The following SEL1L3 variants were observed in gnomAD, a reference collection of about 807,000 sequenced individuals.
The protein encoded by SEL1L3 is protein sel-1 homolog 3.
In SEL1L3, 76 loss-of-function variants were observed where a neutral mutation model predicts 142.8. The ratio of observed to expected loss-of-function variants is 0.53; its 90% CI spans 0.44 to 0.64. SEL1L3 has a LOEUF of 0.64. SEL1L3 is among the 30% of genes least tolerant of loss of function. The pLI is 0.00. For synonymous variants in SEL1L3, 504 were observed against 519.6 expected, an observed-to-expected ratio of 0.97 and a Z score of 0.41; for missense variants, 1,262 against 1,381.7, an observed-to-expected ratio of 0.91 and a Z score of 1.37.
chr4:25,811,999 G>T (rs987511908), intron 9 of SEL1L3, among the ~76,000 whole-genome samples: 1 of 152,144 alleles, frequency 6.6e-6, no homozygotes. Flanking sequence ...TACACCATTC[G>T]ATCCTACATG....
intron 2 of SEL1L3, among the ~76,000 whole-genome samples, chr4:25,841,444 C>CT (rs1251260424): frequency 6.6e-6 from 1 of 152,194 alleles, no homozygotes; most frequent in East Asian, 1.9e-4. Context: ...TGCTCAGGAA[C>CT]TTTTTTTCAG....
chr4:25,835,318 C>T lies in SEL1L3; in HGVS notation c.739G>A (p.Val247Ile). 1 of 1,613,906 alleles carries T rather than the reference C, an allele frequency of 6.2e-7. No individual in the cohort carries two copies. The highest frequency in any genetic ancestry group is 1.3e-5 in the African/African-American group (1 of 75,050). ...GCATAAGGAAAGCCAAGCAGGGCAA[C>T]CACATCTGCAAACAGCAAAATGGCT... ...IPQCPLENDV[V>I]ALLGFPYASS... The change falls in exon 3 of 24, where the codon GTT (valine) becomes ATT (isoleucine). Residue 247 changes from valine (V) to isoleucine (I), a missense_variant. By Grantham distance (29) the Val-to-Ile change is conservative (BLOSUM62 3). Coordinates refer to ENST00000399878, the MANE Select transcript of SEL1L3 (RefSeq NM_015187.5).
At chr4:25,851,490 G>T (rs1435666994) in intron 1 of SEL1L3, among the ~76,000 whole-genome samples, 1 of 152,060 alleles carries the variant, frequency 6.6e-6, no homozygotes, top group African/African-American at 2.4e-5. Flanking sequence ...GAGGTGACCA[G>T]GAGACAGAAT....
In SEL1L3 at chr4:25,819,907, C is replaced by T. The variant is rs777913531; in HGVS notation, c.1324G>A (p.Glu442Lys). Reference protein sequence around the residue: ...FNPLLEKQLAEQIKLYYERCA... With the variant: ...FNPLLEKQLAKQIKLYYERCA... ...CTTTCATAATATAACTTGATTTGTT[C>T]AGCAAGTTGCTTCTCAAGGAGGGGA... The change falls in exon 8 of 24, where the codon GAA (glutamate) becomes AAA (lysine). Residue 442 changes from glutamate to lysine, a missense_variant. Coordinates refer to ENST00000399878, the MANE Select transcript of SEL1L3 (RefSeq NM_015187.5). 15 of 1,611,926 alleles carry T rather than the reference C, an allele frequency of 9.3e-6. No homozygotes were observed. The highest frequency in any genetic ancestry group is 1.3e-5 in the Non-Finnish European group (15 of 1,179,002).
Position 25,809,684 on chromosome 4 carries a change from T to C in SEL1L3, c.1565-4932A>G, listed in dbSNP as rs531559375. Among the ~76,000 whole-genome samples, 3 of 152,288 alleles carry C rather than the reference T, an allele frequency of 2.0e-5. No homozygotes were observed. In the South Asian group the frequency reaches 6.2e-4, roughly 32 times the overall value. ...TCTCTCTCTCCTTTCGGAGCTGTTA[T>C]TCTCTGAGCAAGAAAAGCATAGCCC... On this transcript the variant is annotated intron_variant, in intron 9 of 23. Transcript: ENST00000399878.
the SEL1L3 span, among the ~76,000 whole-genome samples, chr4:25,723,711 C>T: frequency 6.6e-6 from 1 of 152,132 alleles, no homozygotes; most frequent in Non-Finnish European, 1.5e-5. Context: ...TTATGGCATG[C>T]CCCTCATCAC....
the SEL1L3 span, among the ~76,000 whole-genome samples, chr4:25,714,763 G>T: frequency 1.3e-5 from 2 of 151,376 alleles, no homozygotes; most frequent in South Asian, 4.2e-4. Flanking sequence ...GTCGAGATGG[G>T]GTTTCTCCAT....
At chr4:25,733,045 G>T in the SEL1L3 span, among the ~76,000 whole-genome samples, 817 of 149,902 alleles carry the variant, frequency 5.5e-3, 6 homozygotes, top group South Asian at 0.025. Flanking sequence ...TGCGCCTGGC[G>T]AGTCCTCTAA....
chr4:25,851,855 T>C (rs1020517132), intron 1 of SEL1L3, among the ~76,000 whole-genome samples: 1 of 147,386 alleles, frequency 6.8e-6, no homozygotes, highest in Non-Finnish European at 1.5e-5. Context: ...TGCCACTGCA[T>C]TCCAGCCTGG....
At chr4:25,783,706 G>C (rs1711580451) in intron 14 of SEL1L3, among the ~76,000 whole-genome samples, 1 of 152,164 alleles carries the variant, frequency 6.6e-6, no homozygotes, top group Non-Finnish European at 1.5e-5. Context: ...AGCTGTATAG[G>C]AACTAGCTGA....
At chr4:25,717,207 A>T in the SEL1L3 span, among the ~76,000 whole-genome samples, 7 of 151,970 alleles carry the variant, frequency 4.6e-5, no homozygotes, top group African/African-American at 1.7e-4. Context: ...AATTAAAAAT[A>T]AAAAAAACCC....
chr4:25,834,511 C>T (rs1473386972), intron 3 of SEL1L3, among the ~76,000 whole-genome samples: 2 of 152,208 alleles, frequency 1.3e-5, no homozygotes, highest in African/African-American at 4.8e-5. Context: ...CAAGTCCTTT[C>T]TGGTCTTTAT....
chr4:25,757,456 C>CAAAAAAAA (rs1560277078), intron 23 of SEL1L3, 78 bp downstream of exon 23: 2 of 457,788 alleles, frequency 4.4e-6, no homozygotes, highest in East Asian at 6.9e-5. Context: ...TTCCAGTAGA[C>CAAAAAAAA]CAAAAAAAAA....
At chr4:25,722,623 G>GATTTTTTTTTTTTTT in the SEL1L3 span, among the ~76,000 whole-genome samples, 2 of 125,124 alleles carry the variant, frequency 1.6e-5, no homozygotes, top group Non-Finnish European at 1.5e-5. Context: ...TCCAAAGGAG[G>GATTTTTTTTTTTTTT]CTTTTTTTTT....
In SEL1L3 at chr4:25,818,289, G is replaced by A. The variant is rs1266990953; in HGVS notation, c.1424-11C>T. ...AGTTGTGGAGGTGGCCTACACAGAA[G>A]AGGGAGCAGAAGATATCACACCCTT... On this transcript the variant is annotated splice_polypyrimidine_tract_variant and intron_variant, in intron 8 of 23. Coordinates refer to ENST00000399878, the MANE Select transcript of SEL1L3 (RefSeq NM_015187.5). 3.1e-6 allele frequency: 5 copies of A among 1,592,610 alleles called. No homozygotes were observed. The highest frequency in any genetic ancestry group is 4.3e-6 in the Non-Finnish European group (5 of 1,169,472).
chr4:25,807,698 A>T (rs536524070), intron 9 of SEL1L3, among the ~76,000 whole-genome samples: 1 of 152,220 alleles, frequency 6.6e-6, no homozygotes, highest in South Asian at 2.1e-4. Flanking sequence ...TCCAAACCAA[A>T]TGAAGCTTCA....
intron 7 of SEL1L3, among the ~76,000 whole-genome samples, chr4:25,820,899 ATT>A (rs1252474656): frequency 6.6e-6 from 1 of 151,806 alleles, no homozygotes; most frequent in East Asian, 1.9e-4. Flanking sequence ...CGTCCAGCTA[ATT>A]TTTGTATTTT....
Position 25,765,327 on chromosome 4 carries a change from T to C in SEL1L3, c.2954A>G (p.Gln985Arg). Residue 985 changes from glutamine (Q) to arginine (R), a missense_variant and splice_region_variant, in exon 20 of 24, where the codon CAG becomes CGG. Gln to Arg is a conservative substitution (Grantham distance 43, BLOSUM62 1). Around this residue, in one of 3 missense-constraint regions of SEL1L3, gnomAD observed 435 missense variants for 559.2 expected, o/e 0.78. Coordinates refer to ENST00000399878, the MANE Select transcript of SEL1L3 (RefSeq NM_015187.5). Reference sequence around the variant, plus strand: ...GTTTTTGTTGCGGTTGCTGTTTACCTGGGAGTCTCCATCCAGGGCGGCTTG... The same window carrying C: ...GTTTTTGTTGCGGTTGCTGTTTACCCGGGAGTCTCCATCCAGGGCGGCTTG... ...YAQAALDGDS[Q>R]GFFNLALLIE... The C allele has an allele frequency of 6.2e-7, 1 of 1,605,600 alleles. No individual in the cohort carries two copies. Among genetic ancestry groups the C allele is most frequent in the Non-Finnish European group, 8.5e-7 (1 of 1,172,544 alleles).
intron 16 of SEL1L3, chr4:25,777,537 TGC>T (rs1719718743): frequency 3.9e-6 from 1 of 257,842 alleles, no homozygotes; most frequent in African/African-American, 2.3e-5. Flanking sequence ...GTTCAGAAAG[TGC>T]ACTCTTTTCA....
Sources: gnomAD v4.1 joint callset for allele counts (sites outside exome capture counted in the v4.1 genomes callset) on GRCh38, gnomAD v4.1.1 for gene constraint, gnomAD v4.1.1 regional missense constraint, MANE v1.5 for transcripts, NCBI Gene and HGNC (gene_info 2026-07-23, HGNC 2026-07-21) for gene names.